ASTN1: variants seen among roughly 807,000 people sequenced by gnomAD.
The protein encoded by ASTN1 is astrotactin-1.
A neutral mutation model predicts 140.7 loss-of-function variants in ASTN1; 41 were observed. The observed-to-expected ratio is 0.29, with a 90% CI of 0.23 to 0.38. The LOEUF is 0.38. Among genes scored for constraint, ASTN1 ranks in the 10% least tolerant of loss-of-function variants. The probability of loss-of-function intolerance (pLI) is 1.00; values close to 1 mark genes in which losing one functional copy is unlikely to be tolerated. For synonymous variants in ASTN1, 640 were observed against 652.2 expected (o/e 0.98, Z 0.29); for missense variants, 1,479 against 1,678.8 (o/e 0.88, Z 2.08).
intron 16 of ASTN1, among the ~76,000 whole-genome samples, chr1:176,907,429 C>T (rs1438844628): frequency 6.6e-6 from 1 of 152,106 alleles, no homozygotes; most frequent in African/African-American, 2.4e-5. Context: ...TACTCAAATC[C>T]CCAGGGTACA....
intron 2 of ASTN1, among the ~76,000 whole-genome samples, chr1:177,051,398 G>A (rs370184353): frequency 6.6e-5 from 10 of 152,202 alleles, no homozygotes; most frequent in African/African-American, 2.2e-4. Context: ...ACACAGCCAC[G>A]TGCATTCAGT....
At chr1:176,982,811 C>T (rs1411368983) in intron 8 of ASTN1, among the ~76,000 whole-genome samples, 1 of 152,118 alleles carries the variant, frequency 6.6e-6, no homozygotes, top group East Asian at 1.9e-4. Flanking sequence ...TGATAGACAA[C>T]CCAGGAACAC....
chr1:176,863,016 G>C lies in ASTN1; in HGVS notation c.*1268C>G, dbSNP rs1668017345. 1 of 985,402 alleles carries C rather than the reference G, an allele frequency of 1.0e-6. No homozygotes were observed. Among genetic ancestry groups the C allele is most frequent in the Non-Finnish European group, 1.2e-6 (1 of 829,970 alleles). The allele number at this position is 985,402 out of a possible 1,614,324, so 61.0% of individuals were successfully genotyped here. A position where few individuals can be genotyped will look rare whatever the true frequency, so the allele number is the denominator to read the frequency against. On this transcript the variant is annotated 3_prime_UTR_variant, in exon 23 of 23. Coordinates refer to ENST00000361833, the MANE Select transcript of ASTN1 (RefSeq NM_004319.3). Reference sequence around the variant, plus strand: ...TTGCTAGTCAACAGGGCCTTGCCAGGCTCTTTCTGAAAGGCTGGGCTTCCT... The same window carrying C: ...TTGCTAGTCAACAGGGCCTTGCCAGCCTCTTTCTGAAAGGCTGGGCTTCCT...
intron 21 of ASTN1, among the ~76,000 whole-genome samples, chr1:176,869,804 G>A (rs1453587143): frequency 6.6e-6 from 1 of 152,198 alleles, no homozygotes; most frequent in Non-Finnish European, 1.5e-5. Flanking sequence ...AGCCCTGGCA[G>A]TGGGTGGTGC....
chr1:176,890,982 A>G (rs1352078106), intron 17 of ASTN1, among the ~76,000 whole-genome samples: 1 of 152,122 alleles, frequency 6.6e-6, no homozygotes, highest in Admixed American at 6.5e-5. Context: ...AGCTGAGATC[A>G]TACCACTGTA....
In ASTN1 at chr1:177,098,844, C is replaced by T. The variant is rs550259579; in HGVS notation, c.284-37579G>A. ...TCCTTGGTGACTTGTCGCTAACTGACGATCGACTGATCCCAAATCTCTTCA... is the reference window on the plus strand; with the variant it reads ...TCCTTGGTGACTTGTCGCTAACTGATGATCGACTGATCCCAAATCTCTTCA... On this transcript the variant is annotated intron_variant, in intron 1 of 22. Coordinates refer to ENST00000361833, the MANE Select transcript of ASTN1 (RefSeq NM_004319.3). 8.5e-5 allele frequency among the ~76,000 whole-genome samples: 13 copies of T among 152,256 alleles called. No homozygotes were observed. In the South Asian group the frequency reaches 1.2e-3, roughly 15 times the overall value.
intron 8 of ASTN1, among the ~76,000 whole-genome samples, chr1:176,995,009 C>A (rs551416999): frequency 2.0e-5 from 3 of 152,210 alleles, no homozygotes; most frequent in Admixed American, 2.0e-4. Flanking sequence ...GAACACCATG[C>A]CAAATGTTAA....
At chr1:177,014,648 G>A (rs553086164) in intron 8 of ASTN1, 143 bp downstream of exon 8, 523 of 678,834 alleles carry the variant, frequency 7.7e-4, no homozygotes, top group Non-Finnish European at 1.2e-3. Flanking sequence ...ATATGGAAAG[G>A]CATAGTGACA....
At chr1:176,891,639 C>CAAA (rs1381733841) in intron 17 of ASTN1, among the ~76,000 whole-genome samples, 3 of 151,930 alleles carry the variant, frequency 2.0e-5, no homozygotes, top group Non-Finnish European at 2.9e-5. Flanking sequence ...ACCAAAAATA[C>CAAA]AAAATTAGCT....
chr1:177,105,763 T>C (rs537394363), intron 1 of ASTN1, among the ~76,000 whole-genome samples: 2 of 152,334 alleles, frequency 1.3e-5, no homozygotes, highest in African/African-American at 2.4e-5. Context: ...TTTCCACTTA[T>C]GAACACCTTT....
intron 1 of ASTN1, among the ~76,000 whole-genome samples, chr1:177,148,760 T>C (rs529159746): frequency 3.3e-5 from 5 of 151,794 alleles, no homozygotes; most frequent in Admixed American, 1.3e-4. Context: ...CAAATGCAAC[T>C]GAAGGCCACT....
intron 1 of ASTN1, among the ~76,000 whole-genome samples, chr1:177,123,106 G>A (rs1369605391): frequency 6.6e-6 from 1 of 152,128 alleles, no homozygotes; most frequent in Non-Finnish European, 1.5e-5. Context: ...ACAGGGTCAG[G>A]TGCTAGTCAG....
chr1:177,094,728 A>T (rs1479705980), intron 1 of ASTN1, among the ~76,000 whole-genome samples: 1 of 152,202 alleles, frequency 6.6e-6, no homozygotes, highest in Admixed American at 6.5e-5. Flanking sequence ...TAAAAATGTG[A>T]AAGTGGTTTT....
At chr1:176,902,874 C>T (rs1471173483) in intron 16 of ASTN1, among the ~76,000 whole-genome samples, 1 of 152,160 alleles carries the variant, frequency 6.6e-6, no homozygotes, top group Non-Finnish European at 1.5e-5. Flanking sequence ...CTCTACACAG[C>T]CCATGCATCT....
At chr1:177,111,898 C>T (rs991848243) in intron 1 of ASTN1, among the ~76,000 whole-genome samples, 2 of 152,142 alleles carry the variant, frequency 1.3e-5, no homozygotes, top group African/African-American at 4.8e-5. Context: ...AGGCCCACAT[C>T]CACAGGGGTC....
chr1:177,029,854 T>A, intron 4 of ASTN1, 113 bp from the exon 5 acceptor site: 1 of 1,038,212 alleles, frequency 9.6e-7, no homozygotes, highest in Non-Finnish European at 1.4e-6. Flanking sequence ...AGCTGACTGA[T>A]AATCTGGGAG....
chr1:177,049,161 C>T (rs1271406492), intron 2 of ASTN1, among the ~76,000 whole-genome samples: 1 of 152,216 alleles, frequency 6.6e-6, no homozygotes, highest in Non-Finnish European at 1.5e-5. Context: ...TTCACTTTCA[C>T]ATTCCTAGAA....
chr1:177,010,415 G>C (rs1358364049), intron 8 of ASTN1, among the ~76,000 whole-genome samples: 1 of 152,196 alleles, frequency 6.6e-6, no homozygotes, highest in Non-Finnish European at 1.5e-5. Context: ...TGTTGTGGCA[G>C]GGAATGATTG....
chr1:176,941,162 T>C (rs1389396486), intron 14 of ASTN1, among the ~76,000 whole-genome samples: 2 of 152,340 alleles, frequency 1.3e-5, no homozygotes, highest in East Asian at 1.9e-4. Context: ...AGATTCCCTA[T>C]GTAAGTCTAG....
Sources: allele counts gnomAD v4.1 joint callset (sites outside exome capture counted in the v4.1 genomes callset), GRCh38; gene constraint gnomAD v4.1.1; transcripts MANE v1.5; gene names NCBI Gene and HGNC (gene_info 2026-07-23, HGNC 2026-07-21).